SIRT2: variants seen among roughly 807,000 people sequenced by gnomAD.
SIRT2 encodes sirtuin 2.
Under a neutral mutation model 57.4 loss-of-function variants are expected in SIRT2, and 40 were observed. The ratio of observed to expected loss-of-function variants is 0.70; its 90% confidence interval spans 0.54 to 0.91. The LOEUF (loss-of-function observed/expected upper bound fraction) is 0.91, where lower values mean the gene tolerates loss of function less well. Among genes scored for constraint, SIRT2 ranks in the 40% least tolerant of loss-of-function variants. The probability of loss-of-function intolerance (pLI) is 0.00; values close to 1 mark genes in which losing one functional copy is unlikely to be tolerated. For missense variants in SIRT2, 439 were observed against 510.4 expected, an observed-to-expected ratio of 0.86 and a Z score of 1.35; for synonymous variants, 161 against 195.7, an observed-to-expected ratio of 0.82 and a Z score of 1.48.
At chr19:38,887,861 G>A (rs1335612033) in intron 8 of SIRT2, among the ~76,000 whole-genome samples, 1 of 152,114 alleles carries the variant, frequency 6.6e-6, no homozygotes, top group Admixed American at 6.6e-5. Flanking sequence ...CCAGGTTCAA[G>A]CGATTCTCCT....
chr19:38,879,788 T>C, intron 13 of SIRT2, 86 bp from the exon 14 acceptor site: 1 of 956,778 alleles, frequency 1.0e-6, no homozygotes, highest in Non-Finnish European at 1.6e-6. Flanking sequence ...CCTGGGTTTG[T>C]ATCCTAGCTC....
intron 8 of SIRT2, among the ~76,000 whole-genome samples, chr19:38,885,698 C>T (rs1973312588): frequency 6.6e-6 from 1 of 150,420 alleles, no homozygotes. Context: ...TCAAGTGATT[C>T]TCCTGCCTCA....
At chr19:38,888,919 C>T (rs991866706) in intron 8 of SIRT2, among the ~76,000 whole-genome samples, 168 bp downstream of exon 8, 2 of 152,228 alleles carry the variant, frequency 1.3e-5, no homozygotes, top group Non-Finnish European at 2.9e-5. Flanking sequence ...GCAGAGAAGA[C>T]GTGACTCACG....
intron 13 of SIRT2, 65 bp from the exon 14 acceptor site, chr19:38,879,767 G>A: frequency 3.2e-6 from 4 of 1,234,932 alleles, no homozygotes; most frequent in Non-Finnish European, 4.6e-6. Context: ...ACAGACCCTG[G>A]AGCCAGGTGG....
chr19:38,884,175 C>T (rs1306028782), intron 8 of SIRT2, among the ~76,000 whole-genome samples: 1 of 151,486 alleles, frequency 6.6e-6, no homozygotes, highest in East Asian at 1.9e-4. Context: ...ACAGCCACTC[C>T]ACAGCCTGTG....
At chr19:38,899,121 G>C (rs1316122741) in intron 1 of SIRT2, among the ~76,000 whole-genome samples, 1 of 152,090 alleles carries the variant, frequency 6.6e-6, no homozygotes, top group East Asian at 1.9e-4. Context: ...TTTAGGAGAG[G>C]CGCGGAACAA....
chr19:38,880,869 A>C lies in SIRT2; in HGVS notation c.776T>G (p.Val259Gly), dbSNP rs1288349372. 6.2e-7 allele frequency: 1 copy of C among 1,613,764 alleles called. No individual in the cohort carries two copies. The highest frequency in any genetic ancestry group is 1.3e-5 in the African/African-American group (1 of 75,014). Residue 259 changes from valine (V) to glycine (G), a missense_variant, in exon 12 of 16, where the codon GTC (valine) becomes GGC (glycine). Coordinates refer to ENST00000249396, the MANE Select transcript of SIRT2 (RefSeq NM_012237.4). This position sits in a 1 kb window ranked among gnomAD's most constrained non-coding sequence, Gnocchi z 4.1. The part of the protein sequence containing the change: ...SDFLKVDLLL[V>G]MGTSLQVQPF... The stretch of plus-strand genomic sequence containing the variant: ...CTGCACCTGCAAGGAGGTACCCATG[A>C]CCAGGAGGAGGTCCACCTTCAGGAA...
chr19:38,882,915 CA>C (rs1973200534), intron 9 of SIRT2, among the ~76,000 whole-genome samples: 2 of 152,044 alleles, frequency 1.3e-5, no homozygotes, highest in South Asian at 4.1e-4. Context: ...ATCCTCAGCC[CA>C]GGGGCACTCA....
rs774045867 is a variant in SIRT2, at chr19:38,881,486, T to A, written c.637A>T (p.Ile213Phe). ...EYPLSWMKEK[I>F]FSEVTPKCED... Reference sequence around the variant, plus strand: ...CACTTGGGCGTCACCTCAGAGAAGATCTTCTCTGGGTATGGGGAAGGGGAA... The same window carrying A: ...CACTTGGGCGTCACCTCAGAGAAGAACTTCTCTGGGTATGGGGAAGGGGAA... Residue 213 changes from isoleucine (I) to phenylalanine (F), a missense_variant, in exon 10 of 16, where the codon ATC becomes TTC. By Grantham distance (21) the Ile-to-Phe change is conservative (BLOSUM62 0). Transcript: ENST00000249396. 1.2e-6 allele frequency: 2 copies of A among 1,613,668 alleles called. No homozygotes were observed. The highest frequency in any genetic ancestry group is 1.7e-6 in the Non-Finnish European group (2 of 1,179,792).
intron 2 of SIRT2, chr19:38,894,559 C>T (rs531850332): frequency 6.5e-6 from 2 of 309,876 alleles, no homozygotes; most frequent in Admixed American, 4.1e-5. Flanking sequence ...GTTCCCGGGT[C>T]CCCTGGAGCG....
intron 8 of SIRT2, among the ~76,000 whole-genome samples, chr19:38,888,241 T>C (rs1220865323): frequency 1.3e-5 from 2 of 152,182 alleles, no homozygotes; most frequent in Non-Finnish European, 2.9e-5. Context: ...GGCACCATCA[T>C]AGCTCACTGC....
intron 4 of SIRT2, chr19:38,891,646 C>A: frequency 3.3e-6 from 1 of 304,656 alleles, no homozygotes; most frequent in South Asian, 2.4e-5. Flanking sequence ...ATTGCCCAGG[C>A]TAGTCTTGAC....
At chr19:38,896,799 G>C (rs1322702689) in intron 2 of SIRT2, among the ~76,000 whole-genome samples, 1 of 152,196 alleles carries the variant, frequency 6.6e-6, no homozygotes, top group Non-Finnish European at 1.5e-5. Context: ...CATTTGTGAG[G>C]TATTCTGATG....
chr19:38,893,354 TG>T, intron 4 of SIRT2, 59 bp downstream of exon 4: 2 of 996,904 alleles, frequency 2.0e-6, no homozygotes, highest in Non-Finnish European at 3.2e-6. Context: ...TGGCTGGGGA[TG>T]GGAGGTCACT....
chr19:38,895,953 T>A (rs1192221019), intron 2 of SIRT2, among the ~76,000 whole-genome samples: 1 of 152,114 alleles, frequency 6.6e-6, no homozygotes, highest in Non-Finnish European at 1.5e-5. Context: ...GTGTCTGTAG[T>A]CCCAGCTATT....
In SIRT2 at chr19:38,883,745, G is replaced by T; in HGVS notation, c.513C>A (p.Thr171=). 1.9e-6 allele frequency: 3 copies of T among 1,614,000 alleles called. No homozygotes were observed. The highest frequency in any genetic ancestry group is 2.5e-6 in the Non-Finnish European group (3 of 1,179,912). ...LLRCYTQNID[T]LERIAGLEQE... The stretch of plus-strand genomic sequence containing the variant: ...GTTCCAGCCCGGCTATTCGCTCCAG[G>T]GTATCTATGTTCTAGAGGGAGAGAT... Residue 171 remains threonine, a synonymous_variant, in exon 9 of 16, where the codon ACC becomes ACA. Transcript: ENST00000249396.
intron 6 of SIRT2, 25 bp downstream of exon 6, chr19:38,889,830 C>T (rs200971034): frequency 4.3e-5 from 70 of 1,612,718 alleles, no homozygotes; most frequent in East Asian, 1.1e-4. Flanking sequence ...CCCTCACAGA[C>T]GCCCCTTCCT....
intron 6 of SIRT2, 35 bp downstream of exon 6, chr19:38,889,820 C>G (rs1234405351): frequency 1.1e-5 from 17 of 1,612,848 alleles, no homozygotes; most frequent in Non-Finnish European, 1.4e-5. Flanking sequence ...CCATCCCCAC[C>G]CCTCACAGAC....
intron 4 of SIRT2, among the ~76,000 whole-genome samples, chr19:38,892,626 T>G (rs1973577352): frequency 6.6e-6 from 1 of 152,170 alleles, no homozygotes; most frequent in African/African-American, 2.4e-5. Context: ...CAGGCTGCAG[T>G]GCAGTGGTGC....
Sources: gnomAD v4.1 joint callset for allele counts (sites outside exome capture counted in the v4.1 genomes callset) on GRCh38, gnomAD v4.1.1 for gene constraint, Gnocchi (gnomAD v3.1) non-coding constraint, MANE v1.5 for transcripts, NCBI Gene and HGNC (gene_info 2026-07-23, HGNC 2026-07-21) for gene names.